ARSB: variants seen among roughly 807,000 people sequenced by gnomAD.
ARSB encodes N-acetylgalactosamine-4-sulfatase.
A neutral mutation model predicts 50.9 loss-of-function variants in ARSB; 41 were observed. That is an observed-to-expected ratio of 0.81 (90% CI 0.63 to 1.04). The LOEUF (loss-of-function observed/expected upper bound fraction) is 1.04. Among genes scored for constraint, ARSB ranks in the 50% least tolerant of loss-of-function variants. The probability of loss-of-function intolerance (pLI) is 0.00; values close to 1 mark genes in which losing one functional copy is unlikely to be tolerated. For synonymous variants in ARSB, 269 were observed against 284.8 expected, an observed-to-expected ratio of 0.94 and a Z score of 0.56; for missense variants, 672 against 693.3, an observed-to-expected ratio of 0.97 and a Z score of 0.35.
At chr5:78,898,690 A>C (rs1748677796) in intron 4 of ARSB, among the ~76,000 whole-genome samples, 1 of 152,186 alleles carries the variant, frequency 6.6e-6, no homozygotes, top group Non-Finnish European at 1.5e-5. Flanking sequence ...GCTAATGTCA[A>C]GGTGTTGAGA....
chr5:78,838,754 C>G (rs142536381), intron 6 of ARSB, among the ~76,000 whole-genome samples: 1 of 152,184 alleles, frequency 6.6e-6, no homozygotes, highest in African/African-American at 2.4e-5. Flanking sequence ...TATTACAGTC[C>G]GTTGTGATCT....
chr5:78,969,670 G>T (rs759513817), intron 1 of ARSB, among the ~76,000 whole-genome samples: 8 of 152,120 alleles, frequency 5.3e-5, no homozygotes, highest in Non-Finnish European at 1.0e-4. Flanking sequence ...AGGCTGGAGT[G>T]CAATGGCGCA....
chr5:78,943,342 C>T (rs1210608130), intron 4 of ARSB, among the ~76,000 whole-genome samples: 2 of 152,108 alleles, frequency 1.3e-5, no homozygotes, highest in African/African-American at 2.4e-5. Context: ...GGTTATTTTG[C>T]TCGTTAGTTG....
At chr5:78,860,772 T>TGAA (rs1746395320) in intron 5 of ARSB, among the ~76,000 whole-genome samples, 1 of 152,112 alleles carries the variant, frequency 6.6e-6, no homozygotes, top group Non-Finnish European at 1.5e-5. Flanking sequence ...AGAGCAGAAC[T>TGAA]GAAGGAGATG....
chr5:78,841,592 G>C (rs189595578), intron 5 of ARSB, among the ~76,000 whole-genome samples: 1 of 151,946 alleles, frequency 6.6e-6, no homozygotes, highest in Non-Finnish European at 1.5e-5. Flanking sequence ...ACATAACTAC[G>C]CAGCTTTAAA....
At chr5:78,943,943 A>ATAGT (rs1435459520) in intron 4 of ARSB, among the ~76,000 whole-genome samples, 15 of 152,224 alleles carry the variant, frequency 9.9e-5, no homozygotes, top group African/African-American at 3.4e-4. Flanking sequence ...GTCTTTTCAC[A>ATAGT]TAGTCCCATA....
chr5:78,840,868 C>T (rs1167231379), intron 5 of ARSB, among the ~76,000 whole-genome samples: 1 of 152,078 alleles, frequency 6.6e-6, no homozygotes, highest in African/African-American at 2.4e-5. Flanking sequence ...AGACTATCAA[C>T]CAGTCCAAAA....
At chr5:78,833,196 A>G (rs1180684607) in intron 6 of ARSB, among the ~76,000 whole-genome samples, 1 of 152,000 alleles carries the variant, frequency 6.6e-6, no homozygotes, top group Non-Finnish European at 1.5e-5. Context: ...GACCTGCAGG[A>G]CCTCTTGCCT....
chr5:78,961,842 T>C (rs912298332), intron 3 of ARSB, among the ~76,000 whole-genome samples: 4 of 152,008 alleles, frequency 2.6e-5, no homozygotes, highest in Non-Finnish European at 4.4e-5. Flanking sequence ...CAGGTGTCAG[T>C]GATGACTGCA....
Position 78,985,293 on chromosome 5 carries a change from T to A in ARSB, c.-45A>T. On this transcript the variant is annotated 5_prime_UTR_variant, in exon 1 of 8. It adds an upstream start codon to the 5' untranslated region. Transcript: ENST00000264914. ...CAGCGCCTGTGGCGCCACCAGCCCC[T>A]TGTACCGCTGATAGAATGAGGAACT... The A allele has an allele frequency of 8.0e-7, 1 of 1,257,736 alleles. No homozygotes were observed. The highest frequency in any genetic ancestry group is 1.0e-6 in the Non-Finnish European group (1 of 1,003,386). 77.9% of individuals were successfully genotyped at this position (1,257,736 alleles called of 1,614,324 possible).
chr5:78,904,710 G>T (rs1748965829), intron 4 of ARSB, among the ~76,000 whole-genome samples: 2 of 139,096 alleles, frequency 1.4e-5, no homozygotes, highest in African/African-American at 2.7e-5. Flanking sequence ...TTTTTTGAGA[G>T]AGGGTCTCAC....
intron 5 of ARSB, among the ~76,000 whole-genome samples, chr5:78,871,517 C>G (rs965743928): frequency 8.0e-5 from 12 of 150,478 alleles, no homozygotes; most frequent in Non-Finnish European, 1.5e-4. Context: ...CGCCGCTTAC[C>G]TACAACTATC....
intron 4 of ARSB, among the ~76,000 whole-genome samples, chr5:78,894,360 T>C (rs1748472396): frequency 6.6e-6 from 1 of 152,240 alleles, no homozygotes. Flanking sequence ...AAGTATATAA[T>C]ACAAGTTAAA....
intron 4 of ARSB, among the ~76,000 whole-genome samples, chr5:78,939,630 G>A (rs1362834011): frequency 1.3e-5 from 2 of 152,142 alleles, no homozygotes; most frequent in Non-Finnish European, 2.9e-5. Context: ...TTTTATGGCT[G>A]CAAGTATTCC....
chr5:78,955,451 G>A lies in ARSB; in HGVS notation c.742C>T (p.Pro248Ser), dbSNP rs1398584077. 2 of 1,614,026 alleles carry A rather than the reference G, an allele frequency of 1.2e-6. No individual in the cohort carries two copies. The highest frequency in any genetic ancestry group is 1.7e-6 in the Non-Finnish European group (2 of 1,180,038). Residue 248 changes from proline (P) to serine (S), a missense_variant, in exon 4 of 8, where the codon CCT (proline) becomes TCT (serine). Physicochemically the swap from Pro to Ser is moderately conservative, Grantham distance 74. Transcript: ENST00000264914. ...LQSVHEPLQVPEEYLKPYDFI... is the reference protein window; with the variant it reads ...LQSVHEPLQVSEEYLKPYDFI... ...TCATATGGCTTCAAGTATTCCTCAG[G>A]GACCTGAAGGGGCTCATGCACAGAC... is the stretch of plus-strand genomic sequence containing the variant.
At chr5:78,910,357 C>G (rs1345856309) in intron 4 of ARSB, among the ~76,000 whole-genome samples, 1 of 152,084 alleles carries the variant, frequency 6.6e-6, no homozygotes, top group Non-Finnish European at 1.5e-5. Flanking sequence ...GGGGCTGGCC[C>G]CCTTCATAAA....
chr5:78,877,993 A>C (rs1479724014), intron 5 of ARSB, among the ~76,000 whole-genome samples: 1 of 152,226 alleles, frequency 6.6e-6, no homozygotes, highest in East Asian at 1.9e-4. Context: ...AATACATTGC[A>C]TGAAATTGAT....
At chr5:78,902,220 A>G (rs1350350569) in intron 4 of ARSB, among the ~76,000 whole-genome samples, 1 of 152,254 alleles carries the variant, frequency 6.6e-6, no homozygotes, top group African/African-American at 2.4e-5. Flanking sequence ...TTCCTGTGAC[A>G]GTGACATTAA....
chr5:78,819,174 A>G (rs1233621977), intron 6 of ARSB, among the ~76,000 whole-genome samples: 1 of 152,126 alleles, frequency 6.6e-6, no homozygotes, highest in Non-Finnish European at 1.5e-5. Context: ...TCCCCACAGG[A>G]GTAAGGAAGG....
Sources: allele counts gnomAD v4.1 joint callset (sites outside exome capture counted in the v4.1 genomes callset), GRCh38; gene constraint gnomAD v4.1.1; transcripts MANE v1.5; gene names NCBI Gene and HGNC (gene_info 2026-07-23, HGNC 2026-07-21).